SCAMP1: variants seen among roughly 807,000 people sequenced by gnomAD.
SCAMP1 encodes the protein secretory carrier membrane protein 1.
Under a neutral mutation model 41.8 loss-of-function variants are expected in SCAMP1, and 15 were observed. The observed-to-expected ratio is 0.36, with a 90% CI of 0.24 to 0.55. SCAMP1 has a LOEUF of 0.55. Ranked by LOEUF, SCAMP1 falls within the 20% of genes least tolerant of loss-of-function variation. SCAMP1 has a pLI of 0.86. For missense variants in SCAMP1, 341 were observed against 412.6 expected (o/e 0.83, Z 1.50); for synonymous variants, 135 against 136.8 (o/e 0.99, Z 0.09).
intron 6 of SCAMP1, among the ~76,000 whole-genome samples, chr5:78,442,444 A>G (rs1428208305): frequency 1.3e-5 from 2 of 152,068 alleles, no homozygotes; most frequent in African/African-American, 4.8e-5. Context: ...TTTTTAGTAG[A>G]GACAGAGTTT....
At chr5:78,422,894 G>A (rs1407630853) in intron 6 of SCAMP1, among the ~76,000 whole-genome samples, 4 of 152,028 alleles carry the variant, frequency 2.6e-5, no homozygotes, top group Admixed American at 1.3e-4. Flanking sequence ...TAGGATATAT[G>A]CGTGTGTTGT....
At chr5:78,457,634 TTTTG>T (rs1479016599) in intron 7 of SCAMP1, among the ~76,000 whole-genome samples, 1 of 152,148 alleles carries the variant, frequency 6.6e-6, no homozygotes, top group African/African-American at 2.4e-5. Context: ...ACTGCTGACT[TTTTG>T]TTTGTCTGTG....
At chr5:78,471,621 C>T (rs927587559) in intron 8 of SCAMP1, among the ~76,000 whole-genome samples, 11 of 151,948 alleles carry the variant, frequency 7.2e-5, no homozygotes, top group African/African-American at 2.2e-4. Context: ...AATAAAGTGC[C>T]ATTATTCTTT....
chr5:78,367,848 T>C (rs10074668), intron 1 of SCAMP1, among the ~76,000 whole-genome samples: 56,159 of 152,142 alleles, frequency 0.37, 12,507 homozygotes, highest in Non-Finnish European at 0.5. Context: ...GTCCCCTACA[T>C]TGGGGACAAT....
chr5:78,413,123 G>A (rs1489849406), intron 2 of SCAMP1, among the ~76,000 whole-genome samples: 1 of 152,042 alleles, frequency 6.6e-6, no homozygotes, highest in Admixed American at 6.6e-5. Flanking sequence ...ATTAATCTTT[G>A]TATATGATGC....
intron 1 of SCAMP1, chr5:78,370,482 C>T (rs1750915041): frequency 6.6e-6 from 1 of 152,202 alleles, no homozygotes; most frequent in African/African-American, 2.4e-5. Flanking sequence ...GTGCAGAAGG[C>T]TTGCAGATCT....
intron 6 of SCAMP1, among the ~76,000 whole-genome samples, chr5:78,428,552 G>A (rs1181446045): frequency 6.6e-6 from 1 of 151,900 alleles, no homozygotes; most frequent in Non-Finnish European, 1.5e-5. Context: ...TCAGTCTTTC[G>A]ACTTTCTTCT....
rs142101305 is a variant in SCAMP1 at position 78,470,905 on chromosome 5, G to A, written c.853-4599G>A. 2.2e-3 allele frequency among the ~76,000 whole-genome samples: 339 copies of A among 152,230 alleles called. 2 individuals are homozygous for A. The highest frequency in any genetic ancestry group is 0.01 in the Middle Eastern group (3 of 294). ...AACCTCTGAGGTGACTGCAAACTAA[G>A]CATTTTACTTTGTAACACAGGTATA... is the stretch of plus-strand genomic sequence containing the variant. On this transcript the variant is annotated intron_variant, in intron 8 of 8. Transcript: ENST00000621999.
intron 2 of SCAMP1, among the ~76,000 whole-genome samples, chr5:78,411,575 A>T (rs1323000379): frequency 6.6e-6 from 1 of 151,988 alleles, no homozygotes; most frequent in Non-Finnish European, 1.5e-5. Flanking sequence ...TTAATCACTT[A>T]TTTGTCCAAG....
At chr5:78,408,675 G>A (rs753381393) in intron 2 of SCAMP1, among the ~76,000 whole-genome samples, 67 of 152,012 alleles carry the variant, frequency 4.4e-4, no homozygotes, top group Admixed American at 1.1e-3. Flanking sequence ...ATCTTGGCTC[G>A]TTACAACCTG....
At chr5:78,449,893 C>T in intron 6 of SCAMP1, 40 bp from the exon 7 acceptor site, 1 of 1,154,966 alleles carries the variant, frequency 8.7e-7, no homozygotes, top group Non-Finnish European at 1.2e-6. Flanking sequence ...TTCTCTCCCC[C>T]TAACCCCCTT....
intron 1 of SCAMP1, among the ~76,000 whole-genome samples, chr5:78,380,579 ATCTT>A (rs1430364636): frequency 3.3e-5 from 5 of 152,054 alleles, no homozygotes; most frequent in African/African-American, 7.2e-5. Flanking sequence ...TTTTTGAACT[ATCTT>A]TATGCTTATT....
Position 78,458,665 on chromosome 5 carries a change from A to G in SCAMP1, c.735-580A>G, listed in dbSNP as rs546831605. On this transcript the variant is annotated intron_variant, in intron 7 of 8. Coordinates refer to ENST00000621999, the MANE Select transcript of SCAMP1 (RefSeq NM_004866.6). Reference sequence around the variant, plus strand: ...GGGAGGCCGAGTCAGGTGGATCACGAGGTCAGGAGTTCGAGACCAGTCTGA... The same window carrying G: ...GGGAGGCCGAGTCAGGTGGATCACGGGGTCAGGAGTTCGAGACCAGTCTGA... Among the ~76,000 whole-genome samples, 3 of 152,302 alleles carry G rather than the reference A, an allele frequency of 2.0e-5. No individual in the cohort carries two copies. In the East Asian group the frequency reaches 5.8e-4, roughly 29 times the overall value.
intron 8 of SCAMP1, among the ~76,000 whole-genome samples, chr5:78,463,989 C>T (rs1219090747): frequency 6.6e-6 from 1 of 151,954 alleles, no homozygotes; most frequent in Non-Finnish European, 1.5e-5. Flanking sequence ...GCTTCCATTA[C>T]TTCTTTTTTG....
intron 2 of SCAMP1, among the ~76,000 whole-genome samples, chr5:78,389,341 A>G (rs1330374659): frequency 1.3e-5 from 2 of 152,204 alleles, no homozygotes; most frequent in African/African-American, 2.4e-5. Context: ...TCTGAATAGT[A>G]CTAGCCTTCT....
In SCAMP1 at chr5:78,477,033, A is replaced by G. The variant is rs1754021450; in HGVS notation, c.*1365A>G. ...TCTTTAACTAAATTAAGATTGCAGA[A>G]TGATAGTGATTATTCAATTAGATTT... On this transcript the variant is annotated 3_prime_UTR_variant, in exon 9 of 9. Coordinates refer to ENST00000621999, the MANE Select transcript of SCAMP1 (RefSeq NM_004866.6). 1 of 152,158 alleles carries G rather than the reference A, an allele frequency of 6.6e-6. No individual in the cohort carries two copies. The highest frequency in any genetic ancestry group is 2.1e-4 in the South Asian group (1 of 4,834). 9.4% of individuals were successfully genotyped at this position (152,158 alleles called of 1,614,324 possible).
At chr5:78,472,420 A>T (rs561043522) in intron 8 of SCAMP1, among the ~76,000 whole-genome samples, 52 of 147,028 alleles carry the variant, frequency 3.5e-4, no homozygotes, top group Admixed American at 6.6e-4. Context: ...TAATTTTTTA[A>T]AAAAAATTAT....
At chr5:78,424,939 G>A (rs904293717) in intron 6 of SCAMP1, among the ~76,000 whole-genome samples, 10 of 152,284 alleles carry the variant, frequency 6.6e-5, no homozygotes, top group Middle Eastern at 3.4e-3. Flanking sequence ...AAAGCTGTGC[G>A]GTTCTGAGCA....
chr5:78,406,223 C>G (rs1266948906), intron 2 of SCAMP1, among the ~76,000 whole-genome samples: 3 of 152,306 alleles, frequency 2.0e-5, no homozygotes, highest in Admixed American at 2.0e-4. Context: ...CAAATTCTCT[C>G]TTCTAATCCC....
Sources: gnomAD v4.1 joint callset for allele counts (sites outside exome capture counted in the v4.1 genomes callset) on GRCh38, gnomAD v4.1.1 for gene constraint, MANE v1.5 for transcripts, NCBI Gene and HGNC (gene_info 2026-07-23, HGNC 2026-07-21) for gene names.